GPATCH2: variants seen among roughly 807,000 people sequenced by gnomAD.
GPATCH2 encodes the protein G-patch domain containing 2, also known as G patch domain-containing protein 2.
Under a neutral mutation model 58.0 loss-of-function variants are expected in GPATCH2, and 51 were observed. The observed-to-expected ratio is 0.88, with a 90% CI of 0.70 to 1.11. GPATCH2 has a LOEUF of 1.11. Ranked by LOEUF, GPATCH2 falls within the 50% of genes most tolerant of loss-of-function variation. The pLI is 0.00. For missense variants in GPATCH2, 625 were observed against 652.2 expected, an observed-to-expected ratio of 0.96 and a Z score of 0.45; for synonymous variants, 222 against 218.5, an observed-to-expected ratio of 1.02 and a Z score of -0.14.
At chr1:217,597,326 A>C (rs1035178222) in intron 5 of GPATCH2, among the ~76,000 whole-genome samples, 1 of 149,654 alleles carries the variant, frequency 6.7e-6, no homozygotes, top group Non-Finnish European at 1.5e-5. Context: ...TGGGCAACAG[A>C]GTGAGACTCT....
intron 5 of GPATCH2, among the ~76,000 whole-genome samples, chr1:217,520,656 A>T (rs182820834): frequency 6.6e-6 from 1 of 152,154 alleles, no homozygotes; most frequent in African/African-American, 2.4e-5. Context: ...AAAATTCTAT[A>T]TTGTTTGTTA....
chr1:217,610,853 A>T (rs2102815742), intron 4 of GPATCH2, 36 bp downstream of exon 4: 1 of 1,445,780 alleles, frequency 6.9e-7, no homozygotes, highest in East Asian at 2.3e-5. Context: ...CTGACCTTAA[A>T]CCCATTATAT....
chr1:217,492,036 A>ACTGC (rs1218590601), intron 7 of GPATCH2, among the ~76,000 whole-genome samples: 2 of 152,064 alleles, frequency 1.3e-5, no homozygotes, highest in Non-Finnish European at 2.9e-5. Flanking sequence ...GGACAGCTAA[A>ACTGC]CTGCCCTCTT....
Position 217,483,054 on chromosome 1 carries a change from G to A in GPATCH2, c.1277+8626C>T, listed in dbSNP as rs369518532. On this transcript the variant is annotated intron_variant, in intron 8 of 9. Transcript: ENST00000366935. Reference sequence around the variant, plus strand: ...ATTGGTGACTGAATTGCTTTCCACTGTATGGATATACCAACATTGTTTATC... The same window carrying A: ...ATTGGTGACTGAATTGCTTTCCACTATATGGATATACCAACATTGTTTATC... Among the ~76,000 whole-genome samples the A allele has an allele frequency of 3.6e-4, 55 of 152,268 alleles. No homozygotes were observed. The East Asian group carries it at 0.01, about 28-fold the overall frequency.
chr1:217,547,423 G>A (rs187405096), intron 5 of GPATCH2, among the ~76,000 whole-genome samples: 128 of 152,100 alleles, frequency 8.4e-4, no homozygotes, highest in Non-Finnish European at 1.4e-3. Flanking sequence ...CACTGCTGGC[G>A]GGAGTGTAAA....
chr1:217,496,445 G>GT (rs1558434470), intron 7 of GPATCH2, among the ~76,000 whole-genome samples: 1 of 151,898 alleles, frequency 6.6e-6, no homozygotes, highest in Non-Finnish European at 1.5e-5. Context: ...AGTTTTTTGG[G>GT]TTTTTTGTTT....
intron 8 of GPATCH2, among the ~76,000 whole-genome samples, chr1:217,486,309 C>T (rs1661450610): frequency 1.3e-5 from 2 of 152,140 alleles, no homozygotes; most frequent in African/African-American, 2.4e-5. Flanking sequence ...TTTGTTGACT[C>T]TCTTGTGCTA....
intron 5 of GPATCH2, among the ~76,000 whole-genome samples, chr1:217,575,617 C>G (rs1666770216): frequency 6.6e-6 from 1 of 151,886 alleles, no homozygotes; most frequent in African/African-American, 2.4e-5. Flanking sequence ...ATGGCAGTAC[C>G]AGAAACCTAT....
At chr1:217,597,595 A>G (rs1667900949) in intron 5 of GPATCH2, among the ~76,000 whole-genome samples, 1 of 152,130 alleles carries the variant, frequency 6.6e-6, no homozygotes, top group Non-Finnish European at 1.5e-5. Context: ...CCAGTCATAT[A>G]TTACAACTTC....
chr1:217,505,142 TC>T (rs1662487531), intron 6 of GPATCH2, among the ~76,000 whole-genome samples: 1 of 152,314 alleles, frequency 6.6e-6, no homozygotes, highest in African/African-American at 2.4e-5. Flanking sequence ...AGATTGCCTG[TC>T]CTCACAATTC....
intron 5 of GPATCH2, among the ~76,000 whole-genome samples, chr1:217,567,238 G>T (rs1269276843): frequency 6.6e-6 from 1 of 151,982 alleles, no homozygotes; most frequent in Non-Finnish European, 1.5e-5. Context: ...TAGAGACGGG[G>T]TTTCTCCACG....
chr1:217,468,515 CCACACACACACACACACACACACA>C lies in GPATCH2; in HGVS notation c.1278-19202_1278-19179del, dbSNP rs10524566. Among the ~76,000 whole-genome samples the C allele has an allele frequency of 1.1e-3, 152 of 142,692 alleles. 1 individual carries two copies. Among genetic ancestry groups the C allele is most frequent in the South Asian group, 6.0e-3 (26 of 4,318 alleles). The allele number at this position is 142,692 out of a possible 152,430, so 93.6% of individuals were successfully genotyped here. ...AAAATGTCAAGGAATGCACACACAA[CCACACACACACACACACACACACA>C]CACACACACACACACACACACACAG... On this transcript the variant is annotated intron_variant, in intron 8 of 9. Transcript: ENST00000366935.
intron 6 of GPATCH2, among the ~76,000 whole-genome samples, chr1:217,504,801 T>C (rs948821903): frequency 6.6e-6 from 1 of 152,190 alleles, no homozygotes; most frequent in African/African-American, 2.4e-5. Context: ...TTTCTTTTTC[T>C]TTTCTTTCTT....
At chr1:217,591,475 A>G (rs7538504) in intron 5 of GPATCH2, among the ~76,000 whole-genome samples, 101,931 of 151,926 alleles carry the variant, frequency 0.67, 34,848 homozygotes, top group East Asian at 0.92. Context: ...AAGACAGATG[A>G]AGGAGACAGA....
intron 3 of GPATCH2, 39 bp from the exon 4 acceptor site, chr1:217,611,110 A>G: frequency 6.5e-7 from 1 of 1,548,384 alleles, no homozygotes; most frequent in Non-Finnish European, 8.8e-7. Context: ...CCAAAGACTC[A>G]GTTTTATCAT....
In GPATCH2 at chr1:217,620,289, A is replaced by C; in HGVS notation, c.267T>G (p.Ser89Arg). Reference sequence around the variant, plus strand: ...CTTCTAAACTAGAATCAGAGCCTTCACTTAAGCAGTGACCAGTCTCCCACG... The same window carrying C: ...CTTCTAAACTAGAATCAGAGCCTTCCCTTAAGCAGTGACCAGTCTCCCACG... The part of the protein sequence containing the change: ...HHPWETGHCL[S>R]EGSDSSLEEP... Residue 89 changes from serine (S) to arginine (R), a missense_variant, in exon 2 of 10, where the codon AGT becomes AGG. Coordinates refer to ENST00000366935, the MANE Select transcript of GPATCH2 (RefSeq NM_018040.5). The C allele has an allele frequency of 6.2e-7, 1 of 1,614,014 alleles. No individual in the cohort carries two copies. The highest frequency in any genetic ancestry group is 8.5e-7 in the Non-Finnish European group (1 of 1,179,936).
intron 5 of GPATCH2, among the ~76,000 whole-genome samples, chr1:217,518,095 T>G (rs1663260464): frequency 6.6e-6 from 1 of 152,150 alleles, no homozygotes; most frequent in African/African-American, 2.4e-5. Flanking sequence ...GATATATTTC[T>G]TTTTATTAGA....
intron 5 of GPATCH2, among the ~76,000 whole-genome samples, chr1:217,520,034 G>A (rs1663372636): frequency 1.3e-5 from 2 of 152,044 alleles, no homozygotes; most frequent in South Asian, 4.1e-4. Context: ...AATAATTCAT[G>A]TTTCACCTTT....
chr1:217,455,670 G>A (rs575922172), intron 8 of GPATCH2, among the ~76,000 whole-genome samples: 1 of 152,230 alleles, frequency 6.6e-6, no homozygotes, highest in South Asian at 2.1e-4. Context: ...GATATGGACA[G>A]GAGACAGGGA....
Sources: allele counts gnomAD v4.1 joint callset (sites outside exome capture counted in the v4.1 genomes callset), GRCh38; gene constraint gnomAD v4.1.1; transcripts MANE v1.5; gene names NCBI Gene and HGNC (gene_info 2026-07-23, HGNC 2026-07-21).